The following TSBP1 variants were observed in gnomAD, a reference collection of about 807,000 sequenced individuals.
TSBP1 encodes the protein testis expressed basic protein 1.
In TSBP1, 56 loss-of-function variants were observed where a neutral mutation model predicts 68.8. That is an observed-to-expected ratio of 0.81 (90% CI 0.66 to 1.02). TSBP1 has a LOEUF of 1.02. TSBP1 is among the 50% of genes least tolerant of loss of function. TSBP1 has a pLI of 0.00. For missense variants in TSBP1, 502 were observed against 641.2 expected (o/e 0.78, Z 2.34); for synonymous variants, 171 against 208.7 (o/e 0.82, Z 1.56).
At chr6:32,323,392 A>G (rs1767852402) in intron 17 of TSBP1, 199 bp downstream of exon 18, 1 of 717,282 alleles carries the variant, frequency 1.4e-6, no homozygotes, top group Admixed American at 2.0e-5. Flanking sequence ...TACAAAGTAA[A>G]TATATGTTTG....
chr6:32,331,694 G>A (rs1424809603), intron 15 of TSBP1, among the ~76,000 whole-genome samples: 2 of 152,156 alleles, frequency 1.3e-5, no homozygotes, highest in East Asian at 1.9e-4. Flanking sequence ...ATATCCTGCC[G>A]GCCAGCAAGC....
At chr6:32,320,796 A>G (rs1767537722) in intron 18 of TSBP1, among the ~76,000 whole-genome samples, 1 of 151,816 alleles carries the variant, frequency 6.6e-6, no homozygotes, top group Admixed American at 6.6e-5. Flanking sequence ...TTCTACCCAG[A>G]TATTAAATCT....
At chr6:32,308,022 G>A (rs1008944569) in intron 19 of TSBP1, among the ~76,000 whole-genome samples, 8 of 151,768 alleles carry the variant, frequency 5.3e-5, no homozygotes, top group African/African-American at 1.5e-4. Flanking sequence ...TGATCTACCC[G>A]CTTTGGCCTC....
intron 20 of TSBP1, among the ~76,000 whole-genome samples, chr6:32,300,972 T>C (rs149362093): frequency 6.6e-6 from 1 of 152,352 alleles, no homozygotes; most frequent in African/African-American, 2.4e-5. Flanking sequence ...ATATAGGACA[T>C]ATAATGGTCT....
At chr6:32,301,810 T>G (rs1326007635) in intron 20 of TSBP1, among the ~76,000 whole-genome samples, 2 of 131,622 alleles carry the variant, frequency 1.5e-5, no homozygotes, top group African/African-American at 6.0e-5. Flanking sequence ...TTAGGGTATT[T>G]AAAAATGGGA....
chr6:32,300,798 A>G, intron 20 of TSBP1, 98 bp from the exon 24 acceptor site: 2 of 946,620 alleles, frequency 2.1e-6, no homozygotes, highest in South Asian at 1.4e-5. Context: ...GTCATTAACA[A>G]CTAAATTTCA....
In TSBP1 at chr6:32,369,373, A is replaced by ATTTTTTTTTTT. The variant is rs9281761; in HGVS notation, c.100+513_100+523dup. 2.5e-4 allele frequency among the ~76,000 whole-genome samples: 32 copies of ATTTTTTTTTTT among 127,022 alleles called. 1 individual carries two copies. In the South Asian group the frequency reaches 4.5e-3, roughly 18 times the overall value. The allele number at this position is 127,022 out of a possible 152,430, so 83.3% of individuals were successfully genotyped here. Reference sequence around the variant, plus strand: ...CTTATTACTTTTGCTAAACTCTGTGATTTTTTTTTTTTTTTGAGATGGAGT... The same window carrying ATTTTTTTTTTT: ...CTTATTACTTTTGCTAAACTCTGTGATTTTTTTTTTTTTTTTTTTTTTTTTTGAGATGGAGT... On this transcript the variant is annotated intron_variant, in intron 2 of 22. Transcript: ENST00000612031.
At chr6:32,295,350 A>ACACACACACACACACACACACACAC (rs1491234107) in intron 22 of TSBP1, among the ~76,000 whole-genome samples, 1 of 55,276 alleles carries the variant, frequency 1.8e-5, no homozygotes, top group Non-Finnish European at 3.4e-5. Flanking sequence ...ACACACACAC[A>ACACACACACACACACACACACACAC]AAAAAAAAAA....
rs1349391886 is a variant in TSBP1 at position 32,365,036 on chromosome 6, G to T, written c.217+1131C>A. ...AGCCTCCTGAGTAGCTGGGACTGCAGGTGTGCACCGCCACATCCAACTGAT... is the reference window on the plus strand; with the variant it reads ...AGCCTCCTGAGTAGCTGGGACTGCATGTGTGCACCGCCACATCCAACTGAT... On this transcript the variant is annotated intron_variant, in intron 6 of 22. Transcript: ENST00000612031. The surrounding 1 kb of genome is among the most constrained non-coding windows in gnomAD (Gnocchi z 4.3). 6.7e-6 allele frequency among the ~76,000 whole-genome samples: 1 copy of T among 149,630 alleles called. No homozygotes were observed. The highest frequency in any genetic ancestry group is 1.5e-5 in the Non-Finnish European group (1 of 67,646).
At chr6:32,326,017 A>T (rs1268006716) in intron 16 of TSBP1, 4 of 1,533,116 alleles carry the variant, frequency 2.6e-6, no homozygotes, top group Non-Finnish European at 3.6e-6. Context: ...CAATTACAAC[A>T]ATCAGTCTTC....
chr6:32,312,212 G>A (rs1432221104), intron 19 of TSBP1, among the ~76,000 whole-genome samples: 2 of 152,260 alleles, frequency 1.3e-5, no homozygotes, highest in African/African-American at 2.4e-5. Context: ...TGACATCAAA[G>A]GACAGTCAGT....
chr6:32,349,280 G>T (rs1195393875), intron 9 of TSBP1, among the ~76,000 whole-genome samples: 1 of 150,468 alleles, frequency 6.6e-6, no homozygotes, highest in African/African-American at 2.5e-5. Flanking sequence ...CTTAGTGTCA[G>T]TTGCAGCTCA....
intron 6 of TSBP1, among the ~76,000 whole-genome samples, chr6:32,363,271 G>A (rs1773274079): frequency 6.6e-6 from 1 of 152,024 alleles, no homozygotes; most frequent in African/African-American, 2.4e-5. Context: ...TAGAGCTGGA[G>A]TGTGTCTGCT....
At chr6:32,349,200 T>C (rs1281889717) in intron 9 of TSBP1, among the ~76,000 whole-genome samples, 4 of 150,956 alleles carry the variant, frequency 2.6e-5, no homozygotes, top group African/African-American at 7.3e-5. Flanking sequence ...TCTTTCTTTT[T>C]TTTTTTTTTT....
At chr6:32,345,876 G>C (rs3117133) in intron 9 of TSBP1, among the ~76,000 whole-genome samples, 115,278 of 152,030 alleles carry the variant, frequency 0.76, 43,906 homozygotes, top group South Asian at 0.86. Context: ...TTCTGTAGGA[G>C]CACACGTCAT....
At chr6:32,367,212 G>C (rs1773840920) in intron 4 of TSBP1, among the ~76,000 whole-genome samples, 1 of 144,768 alleles carries the variant, frequency 6.9e-6, no homozygotes. Context: ...CTGGAGATAG[G>C]ACTAGTCAGA....
chr6:32,367,880 A>T, intron 4 of TSBP1, 45 bp downstream of exon 4: 1 of 1,402,590 alleles, frequency 7.1e-7, no homozygotes. Flanking sequence ...CACTCTAAAG[A>T]GTATATTCCT....
intron 9 of TSBP1, among the ~76,000 whole-genome samples, chr6:32,346,851 TA>T (rs1771069740): frequency 7.6e-6 from 1 of 130,904 alleles, no homozygotes; most frequent in South Asian, 2.6e-4. Flanking sequence ...TTTAAAAAAA[TA>T]CTGTATCTCA....
chr6:32,342,344 G>A (rs1770477038), intron 9 of TSBP1, among the ~76,000 whole-genome samples: 2 of 151,912 alleles, frequency 1.3e-5, no homozygotes, highest in African/African-American at 2.4e-5. Flanking sequence ...TGTATTTTTG[G>A]TAGAGACGGG....
Sources: allele counts gnomAD v4.1 joint callset (sites outside exome capture counted in the v4.1 genomes callset), GRCh38; gene constraint gnomAD v4.1.1; non-coding constraint Gnocchi (gnomAD v3.1); transcripts MANE v1.5; gene names NCBI Gene and HGNC (gene_info 2026-07-23, HGNC 2026-07-21).